GTF2IRD1: variants seen among roughly 807,000 people sequenced by gnomAD.
The protein encoded by GTF2IRD1 is general transcription factor II-I repeat domain-containing protein 1.
GTF2IRD1 carries 26 observed loss-of-function variants against 113.2 expected under a neutral mutation model. The observed-to-expected ratio is 0.23, with a 90% CI of 0.17 to 0.32. The LOEUF is 0.32. Ranked by LOEUF, GTF2IRD1 falls within the 10% of genes least tolerant of loss-of-function variation. GTF2IRD1 has a pLI of 1.00. For synonymous variants in GTF2IRD1, 484 were observed against 529.1 expected (o/e 0.91, Z 1.17); for missense variants, 864 against 1,280.8 (o/e 0.67, Z 4.97).
intron 25 of GTF2IRD1, among the ~76,000 whole-genome samples, chr7:74,600,773 A>G (rs1554373723): frequency 6.6e-6 from 1 of 152,052 alleles, no homozygotes; most frequent in Non-Finnish European, 1.5e-5. Context: ...AGGAGGAGGG[A>G]CACATGGGGA....
chr7:74,538,856 G>C, intron 13 of GTF2IRD1, 96 bp downstream of exon 13: 1 of 709,288 alleles, frequency 1.4e-6, no homozygotes, highest in Non-Finnish European at 2.5e-6. Context: ...CCTCCAGGCC[G>C]CTGTTTCTCT....
At chr7:74,567,759 G>A (rs147391238) in intron 22 of GTF2IRD1, among the ~76,000 whole-genome samples, 8 of 152,118 alleles carry the variant, frequency 5.3e-5, no homozygotes, top group African/African-American at 1.9e-4. Context: ...AGAGTTGAGA[G>A]TGGAATGGCT....
At chr7:74,576,540 T>C (rs1801075570) in intron 22 of GTF2IRD1, among the ~76,000 whole-genome samples, 1 of 111,714 alleles carries the variant, frequency 9.0e-6, no homozygotes, top group South Asian at 3.2e-4. Flanking sequence ...CAGCCTGGGC[T>C]ACAAGAAAAA....
chr7:74,507,779 C>T (rs2074662), intron 1 of GTF2IRD1: 23,531 of 326,160 alleles, frequency 0.072, 3,178 homozygotes, highest in East Asian at 0.41. Flanking sequence ...TTGCACACGC[C>T]GGGAGAGGTG....
chr7:74,473,162 G>A (rs781812657), intron 1 of GTF2IRD1, among the ~76,000 whole-genome samples: 3 of 152,210 alleles, frequency 2.0e-5, no homozygotes, highest in Non-Finnish European at 4.4e-5. Context: ...TGTTCAGGTA[G>A]ATCCCAGCAA....
At chr7:74,473,428 CTTTTT>C (rs1217283077) in intron 1 of GTF2IRD1, among the ~76,000 whole-genome samples, 1 of 141,598 alleles carries the variant, frequency 7.1e-6, no homozygotes, top group African/African-American at 2.6e-5. Context: ...CAGCTCAGGG[CTTTTT>C]TTTTTTTTTG....
chr7:74,584,873 C>T (rs185049088), intron 22 of GTF2IRD1, among the ~76,000 whole-genome samples: 1 of 152,256 alleles, frequency 6.6e-6, no homozygotes, highest in Non-Finnish European at 1.5e-5. Context: ...GCGATCTTGG[C>T]TCTCTGTAAC....
At chr7:74,559,255 C>A (rs1400535049) in intron 21 of GTF2IRD1, among the ~76,000 whole-genome samples, 1 of 152,184 alleles carries the variant, frequency 6.6e-6, no homozygotes, top group East Asian at 1.9e-4. Flanking sequence ...GGTCACCCCC[C>A]CATGGCAAGG....
Position 74,590,925 on chromosome 7 carries a change from C to G in GTF2IRD1, c.2499C>G (p.Pro833=). 6.2e-7 allele frequency: 1 copy of G among 1,613,706 alleles called. No homozygotes were observed. Among genetic ancestry groups the G allele is most frequent in the Non-Finnish European group, 8.5e-7 (1 of 1,179,808 alleles). ...TCACGGGTCTGCCTGATGACATCCC[C>G]TTCCGGAACCCCAACACGTACGACA... ...VEVTGLPDDI[P]FRNPNTYDIH... Residue 833 remains proline (P), a synonymous_variant, in exon 24 of 27, where the codon CCC becomes CCG. Coordinates refer to ENST00000424337, the MANE Select transcript of GTF2IRD1 (RefSeq NM_005685.4).
intron 1 of GTF2IRD1, among the ~76,000 whole-genome samples, chr7:74,485,549 G>A (rs973616449): frequency 3.3e-5 from 5 of 151,764 alleles, no homozygotes; most frequent in South Asian, 2.1e-4. Flanking sequence ...CCCAGGAGGC[G>A]GAGCTTGCAG....
At chr7:74,508,404 C>G (rs548333891) in intron 2 of GTF2IRD1, among the ~76,000 whole-genome samples, 1 of 152,278 alleles carries the variant, frequency 6.6e-6, no homozygotes, top group African/African-American at 2.4e-5. Flanking sequence ...AAAAATCTAG[C>G]CCTGGGGCCG....
At chr7:74,476,122 A>G (rs1157806826) in intron 1 of GTF2IRD1, among the ~76,000 whole-genome samples, 1 of 152,148 alleles carries the variant, frequency 6.6e-6, no homozygotes, top group East Asian at 1.9e-4. Context: ...TTGCAGTTGG[A>G]TGGTGTGGAC....
At chr7:74,539,534 AGGAGTTAGAGACCAGCCT>A (rs1349516289) in intron 13 of GTF2IRD1, among the ~76,000 whole-genome samples, 1 of 152,156 alleles carries the variant, frequency 6.6e-6, no homozygotes, top group African/African-American at 2.4e-5. Flanking sequence ...ACCTGAGGTC[AGGAGTTAGAGACCAGCCT>A]GGCCAACATA....
chr7:74,559,777 G>A, intron 22 of GTF2IRD1, 122 bp downstream of exon 22: 2 of 755,916 alleles, frequency 2.6e-6, no homozygotes, highest in South Asian at 2.4e-5. Context: ...CCAGGCCCCT[G>A]CCTTTCTTTT....
At position 74,601,159 on chromosome 7, in the gene GTF2IRD1, G is replaced by A. The variant is rs1018504421; in HGVS notation, c.2745G>A (p.Ser915=). 38 of 1,601,616 alleles carry A rather than the reference G, an allele frequency of 2.4e-5. No homozygotes were observed. The highest frequency in any genetic ancestry group is 6.7e-5 in the East Asian group (3 of 44,576). Residue 915 remains serine, a synonymous_variant, in exon 26 of 27, where the codon TCG becomes TCA. Coordinates refer to ENST00000424337, the MANE Select transcript of GTF2IRD1 (RefSeq NM_005685.4). Reference sequence around the variant, plus strand: ...CCTCTAACCCGGATTCAGTGGCATCGGCCAACCAGATCTCACTCGTGGTAA... The same window carrying A: ...CCTCTAACCCGGATTCAGTGGCATCAGCCAACCAGATCTCACTCGTGGTAA... ...SSSSNPDSVA[S]ANQISLVQWP...
At chr7:74,560,295 C>T (rs1799867930) in intron 22 of GTF2IRD1, among the ~76,000 whole-genome samples, 1 of 151,928 alleles carries the variant, frequency 6.6e-6, no homozygotes, top group African/African-American at 2.4e-5. Context: ...TGGTTGACCT[C>T]AGTGAATAGG....
chr7:74,536,864 G>A (rs1221006498), intron 11 of GTF2IRD1, among the ~76,000 whole-genome samples: 3 of 151,552 alleles, frequency 2.0e-5, no homozygotes, highest in East Asian at 1.9e-4. Flanking sequence ...TAATCCCAGC[G>A]CTTTGGGAGG....
intron 24 of GTF2IRD1, 135 bp downstream of exon 24, chr7:74,591,152 A>G (rs1210229651): frequency 2.0e-6 from 1 of 497,774 alleles, no homozygotes. Flanking sequence ...CTCCTGAAAC[A>G]TACAACTTCA....
chr7:74,460,689 A>C (rs972434970), intron 1 of GTF2IRD1, among the ~76,000 whole-genome samples: 2 of 151,648 alleles, frequency 1.3e-5, no homozygotes, highest in Non-Finnish European at 2.9e-5. Flanking sequence ...TTTCTGGCCA[A>C]TGTGGTCCGT....
Sources: gnomAD v4.1 joint callset for allele counts (sites outside exome capture counted in the v4.1 genomes callset) on GRCh38, gnomAD v4.1.1 for gene constraint, MANE v1.5 for transcripts, NCBI Gene and HGNC (gene_info 2026-07-23, HGNC 2026-07-21) for gene names.